The following ADGRL3 variants were observed in gnomAD, a reference collection of about 807,000 sequenced individuals.
ADGRL3 encodes calcium-independent alpha-latrotoxin receptor 3.
Under a neutral mutation model 153.5 loss-of-function variants are expected in ADGRL3, and 62 were observed. The ratio of observed to expected loss-of-function variants is 0.40; its 90% CI spans 0.33 to 0.50. The LOEUF is 0.50. Among genes scored for constraint, ADGRL3 ranks in the 20% least tolerant of loss-of-function variants. ADGRL3 has a pLI of 0.47. For missense variants in ADGRL3, 1,641 were observed against 1,859.4 expected, an observed-to-expected ratio of 0.88 and a Z score of 2.16; for synonymous variants, 710 against 672.5, an observed-to-expected ratio of 1.06 and a Z score of -0.86.
chr4:61,603,062 G>T (rs78529666), intron 5 of ADGRL3, among the ~76,000 whole-genome samples: 2 of 152,126 alleles, frequency 1.3e-5, no homozygotes, highest in South Asian at 2.1e-4. Flanking sequence ...AATAATATTC[G>T]TAGATTTTTA....
intron 2 of ADGRL3, among the ~76,000 whole-genome samples, chr4:61,471,827 A>AT (rs577412623): frequency 6.6e-5 from 10 of 151,858 alleles, no homozygotes; most frequent in South Asian, 2.1e-4. Flanking sequence ...AATTGTAAAC[A>AT]TTTTTTTTGT....
In ADGRL3 at chr4:61,497,193, C is replaced by A. The variant is rs925151833; in HGVS notation, c.-101C>A. On this transcript the variant is annotated 5_prime_UTR_variant, in exon 3 of 27. Transcript: ENST00000683033. ...TTTTCTTTTTAATTTGAAGAAAAAT[C>A]ATCAGTCTTGGAATACAGAAGAGAA... The A allele has an allele frequency of 2.2e-5, 15 of 668,454 alleles. No homozygotes were observed. The Admixed American group carries it at 2.5e-4, about 11-fold the overall frequency. The allele number at this position is 668,454 out of a possible 1,614,324, so 41.4% of individuals were successfully genotyped here. A position where few individuals can be genotyped will look rare whatever the true frequency, so the allele number is the denominator to read the frequency against.
rs575763930 is a variant in ADGRL3, at chr4:61,760,640, G to A, written c.1399+27086G>A. ...GATGCCTCGCCCTGCTTCGGCTCACGCTGGGTGCGCTGCACCCACTGTCCT... is the reference window on the plus strand; with the variant it reads ...GATGCCTCGCCCTGCTTCGGCTCACACTGGGTGCGCTGCACCCACTGTCCT... On this transcript the variant is annotated intron_variant, in intron 8 of 26. Transcript: ENST00000683033. Among the ~76,000 whole-genome samples the A allele has an allele frequency of 2.7e-4, 41 of 152,246 alleles. 1 individual carries two copies. Among genetic ancestry groups the A allele is most frequent in the South Asian group, 1.2e-3 (6 of 4,820 alleles).
chr4:61,979,626 C>G lies in ADGRL3; in HGVS notation c.2869C>G (p.Leu957Val), dbSNP rs1358281516. The part of the protein sequence containing the change: ...VITWVGILLS[L>V]VCLLICIFTF... ...CACGTGGGTTGGAATTTTGCTGTCC[C>G]TTGTTTGTCTCCTGATTTGCATCTT... Residue 957 changes from leucine (L) to valine (V), a missense_variant, in exon 18 of 27, where the codon CTT becomes GTT. By Grantham distance (32) the Leu-to-Val change is conservative. This residue lies in a region of ADGRL3 where 734 missense variants were observed against 797.0 expected (regional missense o/e 0.92). Coordinates refer to ENST00000683033, the MANE Select transcript of ADGRL3 (RefSeq NM_001387552.1). 2 of 1,613,780 alleles carry G rather than the reference C, an allele frequency of 1.2e-6. No homozygotes were observed.
At chr4:61,996,447 T>A in intron 20 of ADGRL3, 90 bp downstream of exon 20, 1 of 879,740 alleles carries the variant, frequency 1.1e-6, no homozygotes, top group Non-Finnish European at 1.9e-6. Flanking sequence ...TTACAGAGGT[T>A]AATTTGGGGA....
chr4:61,351,681 G>A (rs1441012877), intron 1 of ADGRL3, among the ~76,000 whole-genome samples: 1 of 151,758 alleles, frequency 6.6e-6, no homozygotes, highest in Non-Finnish European at 1.5e-5. Context: ...GAACAACAAA[G>A]CCTGGATGAC....
chr4:61,535,125 G>T (rs976275214), intron 4 of ADGRL3, among the ~76,000 whole-genome samples: 3 of 151,706 alleles, frequency 2.0e-5, no homozygotes, highest in Non-Finnish European at 2.9e-5. Flanking sequence ...TGCCTAGTTT[G>T]TTGAGGGTTT....
intron 8 of ADGRL3, among the ~76,000 whole-genome samples, chr4:61,789,032 C>T (rs1455849087): frequency 2.0e-5 from 3 of 151,960 alleles, no homozygotes; most frequent in African/African-American, 7.3e-5. Context: ...ACATTTTAAT[C>T]AAATTTATCA....
intron 9 of ADGRL3, among the ~76,000 whole-genome samples, chr4:61,881,859 A>T (rs2098510634): frequency 6.6e-6 from 1 of 152,234 alleles, no homozygotes; most frequent in African/African-American, 2.4e-5. Context: ...CAATGATGTC[A>T]AAACTCGAGA....
chr4:61,622,789 A>C (rs544857907), intron 5 of ADGRL3, among the ~76,000 whole-genome samples: 1 of 152,228 alleles, frequency 6.6e-6, no homozygotes, highest in South Asian at 2.1e-4. Flanking sequence ...ATAGCTAGTA[A>C]GTAATAAATT....
At chr4:61,644,404 C>T (rs933424977) in intron 5 of ADGRL3, among the ~76,000 whole-genome samples, 5 of 151,982 alleles carry the variant, frequency 3.3e-5, no homozygotes, top group African/African-American at 1.2e-4. Context: ...TTAGATCTTT[C>T]CTGCTTTCTC....
intron 1 of ADGRL3, among the ~76,000 whole-genome samples, chr4:61,291,421 G>A (rs1378004687): frequency 2.0e-5 from 3 of 151,704 alleles, no homozygotes; most frequent in Non-Finnish European, 4.4e-5. Flanking sequence ...GTGACAAAGT[G>A]TATGGGAGGA....
chr4:61,506,883 C>T (rs2098434219), intron 3 of ADGRL3, among the ~76,000 whole-genome samples: 1 of 151,974 alleles, frequency 6.6e-6, no homozygotes, highest in Admixed American at 6.6e-5. Context: ...TGGAGAATAA[C>T]AGATGATGTG....
chr4:61,951,331 C>T (rs1211470756), intron 17 of ADGRL3, among the ~76,000 whole-genome samples: 3 of 152,080 alleles, frequency 2.0e-5, no homozygotes, highest in Non-Finnish European at 4.4e-5. Context: ...TCAGGGGAGC[C>T]GACTCCTGGC....
At chr4:61,887,807 T>A (rs890650210) in intron 9 of ADGRL3, among the ~76,000 whole-genome samples, 3 of 152,092 alleles carry the variant, frequency 2.0e-5, no homozygotes, top group African/African-American at 7.2e-5. Flanking sequence ...ATTGCACCAC[T>A]GCACTCCAGC....
At chr4:61,905,852 G>A (rs2098693137) in intron 11 of ADGRL3, among the ~76,000 whole-genome samples, 1 of 150,628 alleles carries the variant, frequency 6.6e-6, no homozygotes, top group Admixed American at 6.6e-5. Flanking sequence ...TCGAGATCAT[G>A]CCACTGCACT....
chr4:62,007,425 C>CATATATATATATATATACACAT (rs373551662), intron 21 of ADGRL3, among the ~76,000 whole-genome samples: 5 of 99,394 alleles, frequency 5.0e-5, no homozygotes, highest in Admixed American at 1.1e-4. Context: ...TATATATACA[C>CATATATATATATATATACACAT]ATATATATAT....
At chr4:61,604,472 G>A (rs545290810) in intron 5 of ADGRL3, among the ~76,000 whole-genome samples, 34 of 152,218 alleles carry the variant, frequency 2.2e-4, no homozygotes, top group African/African-American at 6.7e-4. Context: ...CGAATGAATC[G>A]CATGTTAAAA....
At chr4:61,646,959 G>A (rs1356763892) in intron 5 of ADGRL3, among the ~76,000 whole-genome samples, 1 of 152,226 alleles carries the variant, frequency 6.6e-6, no homozygotes, top group Non-Finnish European at 1.5e-5. Flanking sequence ...TCCGAGCCAG[G>A]TGCGGATATA....
Sources: allele counts gnomAD v4.1 joint callset (sites outside exome capture counted in the v4.1 genomes callset), GRCh38; gene constraint gnomAD v4.1.1; regional missense constraint gnomAD v4.1.1; transcripts MANE v1.5; gene names NCBI Gene and HGNC (gene_info 2026-07-23, HGNC 2026-07-21).